CATSPERT: variants seen among roughly 807,000 people sequenced by gnomAD.
The protein encoded by CATSPERT is catsper channel auxiliary subunit tau.
the CATSPERT span, among the ~76,000 whole-genome samples, chr2:201,600,802 A>G: frequency 6.7e-6 from 1 of 150,210 alleles, no homozygotes; most frequent in Non-Finnish European, 1.5e-5. Flanking sequence ...CCCAGGCTGG[A>G]GTGCGATGGC....
chr2:201,618,768 A>G, the CATSPERT span: 7 of 558,322 alleles, frequency 1.3e-5, no homozygotes, highest in Non-Finnish European at 1.8e-5. Context: ...AAAAAGGATT[A>G]AAGGGTTCAA....
the CATSPERT span, among the ~76,000 whole-genome samples, chr2:201,514,327 A>G: frequency 2.0e-5 from 3 of 152,204 alleles, no homozygotes; most frequent in Non-Finnish European, 4.4e-5. Flanking sequence ...TATGAAAAGG[A>G]TAAATACATT....
the CATSPERT span, among the ~76,000 whole-genome samples, chr2:201,589,807 G>C: frequency 6.6e-6 from 1 of 151,638 alleles, no homozygotes; most frequent in East Asian, 1.9e-4. Flanking sequence ...ATAATCAACA[G>C]AGTAAACAGA....
At chr2:201,499,052 C>T in the CATSPERT span, among the ~76,000 whole-genome samples, 1 of 152,116 alleles carries the variant, frequency 6.6e-6, no homozygotes, top group Admixed American at 6.6e-5. Context: ...TCTTCCATCC[C>T]CACACACCCT....
chr2:201,594,000 T>C, the CATSPERT span, among the ~76,000 whole-genome samples: 1 of 152,074 alleles, frequency 6.6e-6, no homozygotes, highest in Non-Finnish European at 1.5e-5. Context: ...TATTGTTATG[T>C]GTGAATTTGA....
the CATSPERT span, among the ~76,000 whole-genome samples, chr2:201,579,573 C>T: frequency 6.6e-6 from 1 of 152,084 alleles, no homozygotes; most frequent in Non-Finnish European, 1.5e-5. Context: ...TGTGAACCAC[C>T]AAGCCTGGCT....
chr2:201,547,659 T>G, the CATSPERT span: 1 of 933,888 alleles, frequency 1.1e-6, no homozygotes, highest in Non-Finnish European at 1.6e-6. Context: ...GATAGAAGAA[T>G]ACATATGGTA....
the CATSPERT span, among the ~76,000 whole-genome samples, chr2:201,579,979 G>A: frequency 6.6e-6 from 1 of 151,362 alleles, no homozygotes; most frequent in African/African-American, 2.4e-5. Context: ...AACCTCCCAA[G>A]TCACTTGGAC....
chr2:201,558,772 A>G, the CATSPERT span, among the ~76,000 whole-genome samples: 1 of 152,186 alleles, frequency 6.6e-6, no homozygotes, highest in South Asian at 2.1e-4. Flanking sequence ...GCTACAGCAC[A>G]GTGCCATCTT....
At chr2:201,598,844 G>T in the CATSPERT span, among the ~76,000 whole-genome samples, 1 of 152,026 alleles carries the variant, frequency 6.6e-6, no homozygotes, top group Non-Finnish European at 1.5e-5. Flanking sequence ...GCCTCCCAAA[G>T]TGCTGGGCTT....
At chr2:201,601,894 G>T in the CATSPERT span, 1 of 1,555,902 alleles carries the variant, frequency 6.4e-7, no homozygotes, top group Non-Finnish European at 8.8e-7. Flanking sequence ...ACTGAAAATA[G>T]AATGATATTC....
At chr2:201,506,518 G>C in the CATSPERT span, among the ~76,000 whole-genome samples, 5 of 151,976 alleles carry the variant, frequency 3.3e-5, no homozygotes, top group African/African-American at 1.2e-4. Context: ...TCCTCCACAG[G>C]GGTCAGCATT....
chr2:201,552,290 T>C, the CATSPERT span, among the ~76,000 whole-genome samples: 6 of 152,202 alleles, frequency 3.9e-5, 1 homozygote, highest in South Asian at 6.2e-4. Flanking sequence ...ATATTTTTCA[T>C]TGAGCTTCGC....
chr2:201,493,988 T>A, the CATSPERT span: 1 of 1,536,792 alleles, frequency 6.5e-7, no homozygotes, highest in Non-Finnish European at 8.7e-7. Context: ...TATTCAGGAA[T>A]ATTTTTAATT....
the CATSPERT span, among the ~76,000 whole-genome samples, chr2:201,518,854 T>C: frequency 3.3e-5 from 5 of 152,170 alleles, no homozygotes; most frequent in East Asian, 9.6e-4. Context: ...TTTGTCCTCC[T>C]AGGATTCTGC....
At chr2:201,565,709 T>A in the CATSPERT span, 8,780 of 1,055,944 alleles carry the variant, frequency 8.3e-3, 2 homozygotes, top group Middle Eastern at 0.01. Context: ...TTTTGAATTT[T>A]TTTTTTTTTT....
At chr2:201,493,161 A>C in the CATSPERT span, 1 of 1,527,854 alleles carries the variant, frequency 6.5e-7, no homozygotes, top group East Asian at 2.5e-5. Flanking sequence ...CTGATTCACT[A>C]AGTTTATCCA....
chr2:201,606,593 A>C, the CATSPERT span, among the ~76,000 whole-genome samples: 1 of 152,132 alleles, frequency 6.6e-6, no homozygotes, highest in Non-Finnish European at 1.5e-5. Context: ...AGTGGGGAAA[A>C]CTTCAGGATA....
chr2:201,487,780 G>A, the CATSPERT span: 1 of 1,614,134 alleles, frequency 6.2e-7, no homozygotes, highest in South Asian at 1.1e-5. Context: ...GTCTTGCAGA[G>A]TGTCTGGCAT....
Sources: allele counts gnomAD v4.1 joint callset (sites outside exome capture counted in the v4.1 genomes callset), GRCh38; gene constraint gnomAD v4.1.1; transcripts MANE v1.5; gene names NCBI Gene and HGNC (gene_info 2026-07-23, HGNC 2026-07-21).